ZFPM2: variants seen among roughly 807,000 people sequenced by gnomAD.
The protein encoded by ZFPM2 is zinc finger protein ZFPM2.
Under a neutral mutation model 98.6 loss-of-function variants are expected in ZFPM2, and 20 were observed. That is an observed-to-expected ratio of 0.20 (90% CI 0.14 to 0.29). ZFPM2 has a LOEUF of 0.29. ZFPM2 is among the 10% of genes least tolerant of loss of function. The probability of loss-of-function intolerance (pLI) is 1.00; values close to 1 mark genes in which losing one functional copy is unlikely to be tolerated. For synonymous variants in ZFPM2, 518 were observed against 502.7 expected (o/e 1.03, Z -0.41); for missense variants, 1,310 against 1,388.6 (o/e 0.94, Z 0.90).
At chr8:105,728,270 G>T (rs1174354635) in intron 5 of ZFPM2, among the ~76,000 whole-genome samples, 2 of 151,086 alleles carry the variant, frequency 1.3e-5, no homozygotes, top group Non-Finnish European at 3.0e-5. Context: ...AGTGGTTCAA[G>T]ATCCTTGATA....
chr8:105,694,218 C>A (rs1347369951), intron 5 of ZFPM2, among the ~76,000 whole-genome samples: 1 of 151,788 alleles, frequency 6.6e-6, no homozygotes, highest in Non-Finnish European at 1.5e-5. Flanking sequence ...AATCTCCTGA[C>A]CTTGTGATCT....
At chr8:105,590,756 G>GTGCA (rs1475349865) in intron 4 of ZFPM2, among the ~76,000 whole-genome samples, 12 of 143,362 alleles carry the variant, frequency 8.4e-5, no homozygotes, top group Non-Finnish European at 1.4e-4. Flanking sequence ...GTGCATACGT[G>GTGCA]CGCACGCACA....
At chr8:105,345,425 C>T (rs933928018) in intron 1 of ZFPM2, among the ~76,000 whole-genome samples, 65 of 98,324 alleles carry the variant, frequency 6.6e-4, no homozygotes, top group Admixed American at 1.1e-3. Flanking sequence ...TCGTGATGTT[C>T]TTTTTTTTTT....
intron 4 of ZFPM2, among the ~76,000 whole-genome samples, chr8:105,612,409 C>T (rs373759995): frequency 6.6e-6 from 1 of 151,976 alleles, no homozygotes; most frequent in Admixed American, 6.6e-5. Flanking sequence ...ATTGAAGCCC[C>T]TGAGAGGTCT....
intron 5 of ZFPM2, among the ~76,000 whole-genome samples, chr8:105,745,385 A>G (rs1812318801): frequency 6.6e-6 from 1 of 152,130 alleles, no homozygotes; most frequent in African/African-American, 2.4e-5. Context: ...GAAGTAAAAG[A>G]AATAAACATG....
intron 7 of ZFPM2, among the ~76,000 whole-genome samples, chr8:105,800,519 AATTAAG>A (rs1813968322): frequency 6.6e-6 from 1 of 151,958 alleles, no homozygotes; most frequent in Non-Finnish European, 1.5e-5. Context: ...TATTAATATA[AATTAAG>A]ATTATATTAA....
intron 1 of ZFPM2, among the ~76,000 whole-genome samples, chr8:105,378,899 G>A (rs1810784051): frequency 6.6e-6 from 1 of 152,074 alleles, no homozygotes; most frequent in South Asian, 2.1e-4. Context: ...TAGATAGATA[G>A]GTCAGTCAAT....
At chr8:105,497,577 A>C (rs938537337) in intron 3 of ZFPM2, among the ~76,000 whole-genome samples, 1 of 152,168 alleles carries the variant, frequency 6.6e-6, no homozygotes, top group Non-Finnish European at 1.5e-5. Flanking sequence ...AAGGTGTATC[A>C]AGGTTTAAGC....
At chr8:105,407,726 T>C (rs1758048430) in intron 1 of ZFPM2, among the ~76,000 whole-genome samples, 1 of 151,994 alleles carries the variant, frequency 6.6e-6, no homozygotes. Context: ...AAGTAGAAGC[T>C]ATTAAATTAA....
intron 1 of ZFPM2, among the ~76,000 whole-genome samples, chr8:105,416,595 G>A (rs1050909793): frequency 1.1e-4 from 16 of 151,664 alleles, no homozygotes; most frequent in African/African-American, 3.6e-4. Flanking sequence ...AAAACTCAGA[G>A]TATATATTCC....
chr8:105,439,000 G>C (rs1026396015), intron 2 of ZFPM2, among the ~76,000 whole-genome samples: 5 of 149,716 alleles, frequency 3.3e-5, no homozygotes, highest in African/African-American at 1.3e-4. Context: ...TAGATTATAT[G>C]GTCCTCAACA....
chr8:105,366,479 AAGG>A (rs1354535924), intron 1 of ZFPM2, among the ~76,000 whole-genome samples: 3 of 107,900 alleles, frequency 2.8e-5, no homozygotes, highest in Non-Finnish European at 1.9e-5. Flanking sequence ...GATGTATCAC[AAGG>A]AGAATTCTTT....
intron 5 of ZFPM2, among the ~76,000 whole-genome samples, chr8:105,733,926 A>G (rs772975850): frequency 3.8e-4 from 58 of 152,016 alleles, no homozygotes; most frequent in Admixed American, 1.4e-3. Context: ...AATCAAGGAC[A>G]TTTTGCAACA....
intron 3 of ZFPM2, among the ~76,000 whole-genome samples, chr8:105,516,964 A>G (rs1001655269): frequency 6.6e-6 from 1 of 152,170 alleles, no homozygotes; most frequent in African/African-American, 2.4e-5. Flanking sequence ...TGCTCTAACC[A>G]TAGTGTTATT....
At chr8:105,391,167 G>A (rs1210016009) in intron 1 of ZFPM2, among the ~76,000 whole-genome samples, 2 of 152,098 alleles carry the variant, frequency 1.3e-5, no homozygotes, top group Non-Finnish European at 2.9e-5. Context: ...CTTTCAGTAT[G>A]GTACCATTTT....
In ZFPM2 at chr8:105,746,809, C is replaced by A. The variant is rs745500671; in HGVS notation, c.533-41909C>A. Reference sequence around the variant, plus strand: ...AAGGCCGATGCGGTTTTTAAATGGACTGAAGGAAACCATGCTTGTTGCAGG... The same window carrying A: ...AAGGCCGATGCGGTTTTTAAATGGAATGAAGGAAACCATGCTTGTTGCAGG... On this transcript the variant is annotated intron_variant, in intron 5 of 7. Coordinates refer to ENST00000407775, the MANE Select transcript of ZFPM2 (RefSeq NM_012082.4). Among the ~76,000 whole-genome samples the A allele has an allele frequency of 2.6e-5, 4 of 151,924 alleles. No individual in the cohort carries two copies. In the South Asian group the frequency reaches 8.3e-4, roughly 32 times the overall value.
At chr8:105,505,481 T>G (rs1422490729) in intron 3 of ZFPM2, among the ~76,000 whole-genome samples, 1 of 152,148 alleles carries the variant, frequency 6.6e-6, no homozygotes, top group South Asian at 2.1e-4. Flanking sequence ...ATGTTTGTCT[T>G]AGGACATTTT....
At chr8:105,323,747 A>G (rs996627938) in intron 1 of ZFPM2, among the ~76,000 whole-genome samples, 11 of 151,924 alleles carry the variant, frequency 7.2e-5, no homozygotes, top group African/African-American at 2.7e-4. Context: ...GTAAAAGATC[A>G]TTAGTCATGA....
At chr8:105,553,477 A>G (rs949674683) in intron 3 of ZFPM2, among the ~76,000 whole-genome samples, 1 of 152,132 alleles carries the variant, frequency 6.6e-6, no homozygotes, top group African/African-American at 2.4e-5. Context: ...AGACCATTCC[A>G]GTGTGTTGTG....
Sources: allele counts gnomAD v4.1 joint callset (sites outside exome capture counted in the v4.1 genomes callset), GRCh38; gene constraint gnomAD v4.1.1; transcripts MANE v1.5; gene names NCBI Gene and HGNC (gene_info 2026-07-23, HGNC 2026-07-21).